The following IPO5 variants were observed in gnomAD, a reference collection of about 807,000 sequenced individuals.
The protein encoded by IPO5 is importin-5.
Under a neutral mutation model 143.3 loss-of-function variants are expected in IPO5, and 18 were observed. The ratio of observed to expected loss-of-function variants is 0.13; its 90% CI spans 0.09 to 0.19. The LOEUF (loss-of-function observed/expected upper bound fraction) is 0.19. IPO5 is among the 10% of genes least tolerant of loss of function. The pLI is 1.00. For synonymous variants in IPO5, 477 were observed against 465.7 expected (o/e 1.02, Z -0.31); for missense variants, 1,013 against 1,336.9 (o/e 0.76, Z 3.78).
At position 97,975,032 on chromosome 13, in the gene IPO5, G is replaced by A. The variant is rs116658863; in HGVS notation, c.-4-1661G>A. On this transcript the variant is annotated intron_variant, in intron 3 of 28. Coordinates refer to ENST00000651721, the MANE Select transcript of IPO5 (RefSeq NM_002271.6). ...GAGCAAATGTTTTGACTTTCAAAGA[G>A]CAGAACTGCAGCAGAATAGCCAACA... Among the ~76,000 whole-genome samples, 239 of 152,304 alleles carry A rather than the reference G, an allele frequency of 1.6e-3. 2 individuals are homozygous for A. The highest frequency in any genetic ancestry group is 5.3e-3 in the African/African-American group (219 of 41,564).
intron 25 of IPO5, among the ~76,000 whole-genome samples, chr13:98,017,322 TTTTGTTTGTTTG>T (rs762272316): frequency 6.6e-6 from 1 of 151,886 alleles, no homozygotes; most frequent in Non-Finnish European, 1.5e-5. Context: ...ATAGACTTCT[TTTTGTTTGTTTG>T]TTTGTTTGTT....
At chr13:97,989,025 C>A in intron 6 of IPO5, 37 bp from the exon 7 acceptor site, 1 of 1,240,852 alleles carries the variant, frequency 8.1e-7, no homozygotes, top group Non-Finnish European at 1.2e-6. Context: ...GAAGTTCTGA[C>A]TTACACAACT....
At chr13:97,978,246 C>G (rs772532199) in intron 4 of IPO5, among the ~76,000 whole-genome samples, 4 of 152,112 alleles carry the variant, frequency 2.6e-5, no homozygotes, top group Non-Finnish European at 5.9e-5. Flanking sequence ...TCATTTTTTA[C>G]TTAATGGGCT....
chr13:98,015,261 T>TGTGTGC (rs1286366831), intron 22 of IPO5, among the ~76,000 whole-genome samples: 15 of 151,932 alleles, frequency 9.9e-5, no homozygotes, highest in African/African-American at 2.9e-4. Flanking sequence ...TGTGTGTGTG[T>TGTGTGC]GTGTGTGTGT....
At chr13:98,008,664 G>A (rs185102767) in intron 18 of IPO5, among the ~76,000 whole-genome samples, 17 of 152,080 alleles carry the variant, frequency 1.1e-4, no homozygotes, top group Admixed American at 1.0e-3. Flanking sequence ...CGACACACAC[G>A]CACATACACA....
At chr13:98,007,876 T>C (rs549613836) in intron 17 of IPO5, among the ~76,000 whole-genome samples, 183 bp from the exon 18 acceptor site, 3 of 152,258 alleles carry the variant, frequency 2.0e-5, no homozygotes, top group East Asian at 1.9e-4. Context: ...GTGGAAAATA[T>C]ATTTTTCTAG....
chr13:97,994,946 C>T (rs1888120510), intron 11 of IPO5, among the ~76,000 whole-genome samples: 3 of 151,924 alleles, frequency 2.0e-5, no homozygotes, highest in African/African-American at 7.3e-5. Flanking sequence ...GGCGACATGA[C>T]GAAACCCTTT....
At chr13:98,000,850 A>G in intron 13 of IPO5, 1 of 553,018 alleles carries the variant, frequency 1.8e-6, no homozygotes, top group Non-Finnish European at 3.2e-6. Flanking sequence ...TTAGATTTGA[A>G]TTTGAAAATG....
chr13:98,017,206 T>G (rs1310848114), intron 25 of IPO5, among the ~76,000 whole-genome samples: 1 of 151,980 alleles, frequency 6.6e-6, no homozygotes, highest in Non-Finnish European at 1.5e-5. Context: ...ATCTTTGTTA[T>G]GTACTACCAG....
At chr13:98,000,451 A>G in intron 12 of IPO5, 88 bp from the exon 13 acceptor site, 1 of 841,520 alleles carries the variant, frequency 1.2e-6, no homozygotes, top group Non-Finnish European at 2.0e-6. Flanking sequence ...TAGTTTAATA[A>G]TAATATGGTT....
chr13:97,983,036 A>G (rs969275977), intron 5 of IPO5, among the ~76,000 whole-genome samples: 4 of 151,976 alleles, frequency 2.6e-5, no homozygotes. Flanking sequence ...ACACCTGGCT[A>G]ATTTTTGTAT....
intron 3 of IPO5, among the ~76,000 whole-genome samples, chr13:97,970,773 C>T (rs1566458862): frequency 6.6e-6 from 1 of 152,106 alleles, no homozygotes; most frequent in African/African-American, 2.4e-5. Context: ...TCAAATCAAA[C>T]TTGATTTTTT....
intron 22 of IPO5, among the ~76,000 whole-genome samples, chr13:98,014,760 C>G (rs978465726): frequency 6.6e-6 from 1 of 151,710 alleles, no homozygotes; most frequent in African/African-American, 2.4e-5. Context: ...GTATTTTAGT[C>G]TTGCACTTAA....
At chr13:97,960,780 A>G (rs1169377757) in intron 2 of IPO5, among the ~76,000 whole-genome samples, 1 of 152,136 alleles carries the variant, frequency 6.6e-6, no homozygotes, top group Non-Finnish European at 1.5e-5. Context: ...GCTGGTCTCG[A>G]ACTCCTGACC....
At chr13:97,967,882 C>T (rs1594023176) in intron 2 of IPO5, among the ~76,000 whole-genome samples, 1 of 152,142 alleles carries the variant, frequency 6.6e-6, no homozygotes, top group Admixed American at 6.5e-5. Flanking sequence ...CCGCCCACCT[C>T]GGCCTCCCAA....
intron 26 of IPO5, among the ~76,000 whole-genome samples, chr13:98,018,964 A>G (rs535448338): frequency 7.2e-6 from 1 of 139,722 alleles, no homozygotes; most frequent in African/African-American, 2.5e-5. Context: ...ACAGCCTTAG[A>G]ATAGGACTTT....
intron 2 of IPO5, among the ~76,000 whole-genome samples, chr13:97,960,702 T>C (rs1426822241): frequency 3.3e-5 from 5 of 151,702 alleles, no homozygotes; most frequent in Non-Finnish European, 7.4e-5. Context: ...GGGATTACAG[T>C]CGCGCACCAC....
chr13:97,958,628 C>T (rs1470740200), intron 2 of IPO5, among the ~76,000 whole-genome samples: 1 of 151,780 alleles, frequency 6.6e-6, no homozygotes, highest in Admixed American at 6.6e-5. Flanking sequence ...TTGGATCGGC[C>T]TCTGCACCCT....
chr13:98,010,194 A>G lies in IPO5; in HGVS notation c.2025A>G (p.Leu675=). The change falls in exon 20 of 29, where the codon CTA becomes CTG. Residue 675 remains leucine (L), a synonymous_variant. Transcript: ENST00000651721. The part of the protein sequence containing the change: ...QQSFGIKTAG[L]EEKSTACQML... The stretch of plus-strand genomic sequence containing the variant: ...GCTTTGGTATTAAAACTGCAGGACT[A>G]GAAGAAAAATCAACTGCTTGCCAGA... The G allele has an allele frequency of 6.2e-7, 1 of 1,613,974 alleles. No individual in the cohort carries two copies. Among genetic ancestry groups the G allele is most frequent in the Non-Finnish European group, 8.5e-7 (1 of 1,179,952 alleles).
Sources: gnomAD v4.1 joint callset for allele counts (sites outside exome capture counted in the v4.1 genomes callset) on GRCh38, gnomAD v4.1.1 for gene constraint, MANE v1.5 for transcripts, NCBI Gene and HGNC (gene_info 2026-07-23, HGNC 2026-07-21) for gene names.